Variants in UNC5C observed in about 807,000 individuals in gnomAD.
The protein encoded by UNC5C is unc-5 netrin receptor C.
UNC5C carries 47 observed loss-of-function variants against 99.8 expected under a neutral mutation model. The observed-to-expected ratio is 0.47, with a 90% CI of 0.37 to 0.60. The LOEUF is 0.60. UNC5C is among the 20% of genes least tolerant of loss of function. The pLI, the probability that UNC5C is intolerant of heterozygous loss-of-function variation, is 0.00. For missense variants in UNC5C, 1,062 were observed against 1,165.9 expected (o/e 0.91, Z 1.30); for synonymous variants, 487 against 452.2 (o/e 1.08, Z -0.98).
At chr4:95,514,017 A>T (rs1722147613) in intron 1 of UNC5C, among the ~76,000 whole-genome samples, 1 of 152,220 alleles carries the variant, frequency 6.6e-6, no homozygotes, top group Admixed American at 6.5e-5. Flanking sequence ...CAGAATCAAT[A>T]TCAAATTCGC....
At position 95,220,113 on chromosome 4, in the gene UNC5C, A is replaced by G; in HGVS notation, c.1172T>C (p.Leu391Pro). The G allele has an allele frequency of 6.2e-7, 1 of 1,614,158 alleles. No individual in the cohort carries two copies. Among genetic ancestry groups the G allele is most frequent in the Non-Finnish European group, 8.5e-7 (1 of 1,180,000 alleles). ...VGIVIAVIVC[L>P]AISVVVALFV... ...CAAGGCCACAACTACAGAGATCGCC[A>G]GGCAAACGATCACTGCTATCACAAT... is the stretch of plus-strand genomic sequence containing the variant. Residue 391 changes from leucine (L) to proline (P), a missense_variant, in exon 8 of 16, where the codon CTG becomes CCG. Leu to Pro is a moderately conservative substitution (Grantham distance 98, BLOSUM62 -3). Coordinates refer to ENST00000453304, the MANE Select transcript of UNC5C (RefSeq NM_003728.4).
At chr4:95,365,362 T>C (rs890615328) in intron 1 of UNC5C, among the ~76,000 whole-genome samples, 1 of 147,352 alleles carries the variant, frequency 6.8e-6, no homozygotes, top group East Asian at 2.0e-4. Context: ...AAAAATTATA[T>C]AACATTTAAA....
intron 1 of UNC5C, among the ~76,000 whole-genome samples, chr4:95,500,052 A>G (rs1256298706): frequency 6.6e-6 from 1 of 152,122 alleles, no homozygotes; most frequent in African/African-American, 2.4e-5. Flanking sequence ...AGGTAGTTTG[A>G]CCAGTAAAAC....
At chr4:95,325,957 T>C (rs1431466367) in intron 2 of UNC5C, among the ~76,000 whole-genome samples, 3 of 152,112 alleles carry the variant, frequency 2.0e-5, no homozygotes, top group East Asian at 3.9e-4. Flanking sequence ...CTGTTCTGTG[T>C]TCAGTAGTTA....
Position 95,169,180 on chromosome 4 carries a change from G to C in UNC5C, c.*54C>G. The C allele has an allele frequency of 6.3e-7, 1 of 1,597,984 alleles. No individual in the cohort carries two copies. Among genetic ancestry groups the C allele is most frequent in the Non-Finnish European group, 8.6e-7 (1 of 1,168,830 alleles). On this transcript the variant is annotated 3_prime_UTR_variant, in exon 16 of 16. Coordinates refer to ENST00000453304, the MANE Select transcript of UNC5C (RefSeq NM_003728.4). ...CTCCTCAGCTGTGATTCACCTGGACGGCCACAGACTCCCTGTGCATTTTTG... is the reference window on the plus strand; with the variant it reads ...CTCCTCAGCTGTGATTCACCTGGACCGCCACAGACTCCCTGTGCATTTTTG...
At chr4:95,267,862 T>C (rs1740504693) in intron 4 of UNC5C, among the ~76,000 whole-genome samples, 1 of 151,754 alleles carries the variant, frequency 6.6e-6, no homozygotes, top group Non-Finnish European at 1.5e-5. Context: ...TGGAAACATA[T>C]AAGTAGAAAT....
At chr4:95,366,269 G>A (rs557256901) in intron 1 of UNC5C, among the ~76,000 whole-genome samples, 2 of 152,256 alleles carry the variant, frequency 1.3e-5, no homozygotes, top group African/African-American at 4.8e-5. Context: ...TTCAAGACAA[G>A]CCTGGGCAAT....
chr4:95,541,760 G>A (rs1321147613), intron 1 of UNC5C, among the ~76,000 whole-genome samples: 1 of 151,878 alleles, frequency 6.6e-6, no homozygotes, highest in Non-Finnish European at 1.5e-5. Flanking sequence ...TAATAAACAA[G>A]CACTATTCTG....
intron 1 of UNC5C, among the ~76,000 whole-genome samples, chr4:95,337,795 T>C (rs1321656228): frequency 2.6e-5 from 4 of 152,026 alleles, no homozygotes; most frequent in Admixed American, 2.6e-4. Flanking sequence ...AAGATTTCTA[T>C]CATTAGAAAT....
intron 1 of UNC5C, among the ~76,000 whole-genome samples, chr4:95,486,712 T>C (rs1247241361): frequency 6.6e-6 from 1 of 151,664 alleles, no homozygotes; most frequent in African/African-American, 2.4e-5. Context: ...AAAAACATCC[T>C]GAATCCCATC....
chr4:95,315,841 C>A (rs1742456580), intron 2 of UNC5C, among the ~76,000 whole-genome samples: 1 of 152,010 alleles, frequency 6.6e-6, no homozygotes. Context: ...AACTGAGTTT[C>A]AGCATAAAAA....
intron 1 of UNC5C, among the ~76,000 whole-genome samples, chr4:95,405,219 C>T (rs1013529864): frequency 4.6e-5 from 7 of 152,144 alleles, no homozygotes; most frequent in African/African-American, 7.2e-5. Context: ...TTGTAACTCT[C>T]GGGTTGCAGG....
chr4:95,321,177 T>G (rs1167991384), intron 2 of UNC5C, among the ~76,000 whole-genome samples: 1 of 152,194 alleles, frequency 6.6e-6, no homozygotes, highest in African/African-American at 2.4e-5. Context: ...AATTACATAG[T>G]TCTGCAAATA....
At chr4:95,220,988 G>C (rs1458311386) in intron 7 of UNC5C, among the ~76,000 whole-genome samples, 2 of 152,170 alleles carry the variant, frequency 1.3e-5, no homozygotes, top group Non-Finnish European at 2.9e-5. Flanking sequence ...GACTACCCCA[G>C]AAGGCAAATA....
At chr4:95,419,154 G>A (rs1228446147) in intron 1 of UNC5C, among the ~76,000 whole-genome samples, 1 of 152,118 alleles carries the variant, frequency 6.6e-6, no homozygotes, top group African/African-American at 2.4e-5. Context: ...GTTAAATGAT[G>A]GGTGGAGATG....
At chr4:95,259,865 A>G (rs67374207) in intron 4 of UNC5C, among the ~76,000 whole-genome samples, 22,415 of 152,116 alleles carry the variant, frequency 0.15, 3,439 homozygotes, top group African/African-American at 0.39. Context: ...ATATTTTTAT[A>G]ATTTTTAATT....
chr4:95,337,488 T>C (rs960584147), intron 1 of UNC5C, among the ~76,000 whole-genome samples: 3 of 152,110 alleles, frequency 2.0e-5, no homozygotes, highest in South Asian at 2.1e-4. Flanking sequence ...CCAAAGCATG[T>C]ATCTCTTTCT....
intron 9 of UNC5C, among the ~76,000 whole-genome samples, chr4:95,217,721 T>C (rs1272847799): frequency 1.3e-5 from 2 of 152,150 alleles, no homozygotes; most frequent in Non-Finnish European, 2.9e-5. Flanking sequence ...CAGAATCCAA[T>C]ACATTTCAGA....
At chr4:95,425,580 A>C (rs1746458586) in intron 1 of UNC5C, among the ~76,000 whole-genome samples, 1 of 152,232 alleles carries the variant, frequency 6.6e-6, no homozygotes, top group Non-Finnish European at 1.5e-5. Context: ...AAGTGTTGGG[A>C]TTACAGGCGT....
Sources: gnomAD v4.1 joint callset for allele counts (sites outside exome capture counted in the v4.1 genomes callset) on GRCh38, gnomAD v4.1.1 for gene constraint, MANE v1.5 for transcripts, NCBI Gene and HGNC (gene_info 2026-07-23, HGNC 2026-07-21) for gene names.